The following RBMS1 variants were observed in gnomAD, a reference collection of about 807,000 sequenced individuals.
RBMS1 encodes the protein RNA binding motif single stranded interacting protein 1, also known as RNA-binding motif, single-stranded-interacting protein 1.
In RBMS1, 17 loss-of-function variants were observed where a neutral mutation model predicts 62.3. The observed-to-expected ratio is 0.27, with a 90% CI of 0.19 to 0.41. The LOEUF (loss-of-function observed/expected upper bound fraction) is 0.41, where lower values mean the gene tolerates loss of function less well. RBMS1 is among the 10% of genes least tolerant of loss of function. The pLI is 1.00. For missense variants in RBMS1, 334 were observed against 504.5 expected (o/e 0.66, Z 3.24); for synonymous variants, 172 against 170.0 (o/e 1.01, Z -0.09).
intron 2 of RBMS1, among the ~76,000 whole-genome samples, chr2:160,363,259 G>T (rs1693225929): frequency 6.6e-6 from 1 of 152,178 alleles, no homozygotes; most frequent in Admixed American, 6.5e-5. Context: ...TGTTTAAGAT[G>T]ATACGCTGTT....
intron 1 of RBMS1, among the ~76,000 whole-genome samples, chr2:160,461,134 C>T (rs116278313): frequency 0.039 from 5,979 of 152,010 alleles, 359 homozygotes; most frequent in African/African-American, 0.13. Context: ...CCTGTGGTCC[C>T]AGCAACAAAG....
At position 160,491,905 on chromosome 2, in the gene RBMS1, G is replaced by A. The variant is rs191781286; in HGVS notation, c.75+1384C>T. On this transcript the variant is annotated intron_variant, in intron 1 of 13. Coordinates refer to ENST00000348849, the MANE Select transcript of RBMS1 (RefSeq NM_016836.4). Reference sequence around the variant, plus strand: ...GCTGCTACCATCTTGCTGCTTTCTGGTGACCCAAAGTAAAGTGGGAATTGG... The same window carrying A: ...GCTGCTACCATCTTGCTGCTTTCTGATGACCCAAAGTAAAGTGGGAATTGG... 3.4e-4 allele frequency among the ~76,000 whole-genome samples: 52 copies of A among 152,286 alleles called. 1 individual carries two copies. The highest frequency in any genetic ancestry group is 3.4e-3 in the Middle Eastern group (1 of 294).
chr2:160,368,287 C>A (rs1216268248), intron 1 of RBMS1, among the ~76,000 whole-genome samples: 1 of 152,174 alleles, frequency 6.6e-6, no homozygotes, highest in Admixed American at 6.5e-5. Flanking sequence ...AGGACAGGGA[C>A]GTTTTTTCAC....
intron 1 of RBMS1, among the ~76,000 whole-genome samples, chr2:160,441,684 A>G (rs1683417155): frequency 6.6e-6 from 1 of 152,252 alleles, no homozygotes; most frequent in Non-Finnish European, 1.5e-5. Context: ...TGCTCACACC[A>G]CTGCACTCCA....
rs1691093917 is a variant in RBMS1, at chr2:160,328,769, A to G, written c.252-10542T>C. Among the ~76,000 whole-genome samples, 6 of 152,278 alleles carry G rather than the reference A, an allele frequency of 3.9e-5. No homozygotes were observed. The South Asian group carries it at 1.2e-3, about 32-fold the overall frequency. ...TCTAAACTGTTTTTCAAGTGTCTCTAAATTTGTCACTCCTTTTAAAGTAAA... is the reference window on the plus strand; with the variant it reads ...TCTAAACTGTTTTTCAAGTGTCTCTGAATTTGTCACTCCTTTTAAAGTAAA... On this transcript the variant is annotated intron_variant, in intron 2 of 13. Coordinates refer to ENST00000348849, the MANE Select transcript of RBMS1 (RefSeq NM_016836.4).
At chr2:160,339,117 G>C (rs2105992183) in intron 2 of RBMS1, among the ~76,000 whole-genome samples, 1 of 152,278 alleles carries the variant, frequency 6.6e-6, no homozygotes, top group African/African-American at 2.4e-5. Flanking sequence ...TGGAGGCCAG[G>C]CATGGTGGGA....
At chr2:160,396,826 G>A (rs1460882900) in intron 1 of RBMS1, among the ~76,000 whole-genome samples, 1 of 152,132 alleles carries the variant, frequency 6.6e-6, no homozygotes, top group Non-Finnish European at 1.5e-5. Context: ...GACTCCCAAA[G>A]TGCTGGGATT....
chr2:160,361,658 T>C (rs1693137652), intron 2 of RBMS1, among the ~76,000 whole-genome samples: 1 of 152,202 alleles, frequency 6.6e-6, no homozygotes, highest in African/African-American at 2.4e-5. Flanking sequence ...ATACCGTAAT[T>C]TAAAAATACT....
rs1553505443 is a variant in RBMS1, at chr2:160,311,236, A to ATC, written c.402+1919_402+1920insGA. On this transcript the variant is annotated intron_variant, in intron 4 of 13. Coordinates refer to ENST00000348849, the MANE Select transcript of RBMS1 (RefSeq NM_016836.4). ...TCTATCTATCTATCTATCTATCTAT[A>ATC]TATATATATATATATATATATAGTC... Among the ~76,000 whole-genome samples the ATC allele has an allele frequency of 2.4e-3, 148 of 60,706 alleles. 1 individual carries two copies. Among genetic ancestry groups the ATC allele is most frequent in the African/African-American group, 7.7e-3 (130 of 16,816 alleles). 39.8% of individuals were successfully genotyped at this position (60,706 alleles called of 152,430 possible). A position where few individuals can be genotyped will look rare whatever the true frequency, so the allele number is the denominator to read the frequency against.
chr2:160,329,284 C>T (rs1220265440), intron 2 of RBMS1, among the ~76,000 whole-genome samples: 1 of 152,154 alleles, frequency 6.6e-6, no homozygotes, highest in Non-Finnish European at 1.5e-5. Flanking sequence ...GTAAAAGACA[C>T]ACTTGGACTG....
intron 1 of RBMS1, among the ~76,000 whole-genome samples, chr2:160,443,331 A>G (rs1683498158): frequency 6.6e-6 from 1 of 152,148 alleles, no homozygotes; most frequent in East Asian, 1.9e-4. Flanking sequence ...GACAATCATG[A>G]AAGATTTGAA....
chr2:160,391,030 T>C (rs977178631), intron 1 of RBMS1, among the ~76,000 whole-genome samples: 1 of 151,782 alleles, frequency 6.6e-6, no homozygotes, highest in Admixed American at 6.6e-5. Flanking sequence ...ACGTGCCCAG[T>C]TGATGAATTT....
intron 1 of RBMS1, chr2:160,402,198 G>A (rs1250219630): frequency 6.6e-6 from 1 of 152,176 alleles, no homozygotes; most frequent in Non-Finnish European, 1.5e-5. Flanking sequence ...CAGACTTAGG[G>A]AGGTTAAGTG....
intron 1 of RBMS1, among the ~76,000 whole-genome samples, chr2:160,440,391 C>G (rs1295952999): frequency 6.6e-6 from 1 of 152,160 alleles, no homozygotes; most frequent in African/African-American, 2.4e-5. Flanking sequence ...ATGCTTCCAC[C>G]TCAGCTCCAC....
intron 1 of RBMS1, among the ~76,000 whole-genome samples, chr2:160,471,552 G>A (rs1684910543): frequency 6.6e-6 from 1 of 151,108 alleles, no homozygotes; most frequent in African/African-American, 2.4e-5. Context: ...ACAAATATGT[G>A]TGAATCACAA....
chr2:160,285,112 C>G (rs142326941), intron 7 of RBMS1, 68 bp from the exon 8 acceptor site: 88 of 1,492,576 alleles, frequency 5.9e-5, no homozygotes, highest in South Asian at 3.8e-4. Flanking sequence ...CTATTTTTAG[C>G]CAGGTGTGGT....
chr2:160,389,698 C>CAA lies in RBMS1; in HGVS notation c.76-22309_76-22308dup, dbSNP rs61570926. ...AGGCAACAGAGCAAGACTCTTGTCT[C>CAA]AAAAAAAAAAAAAAAAAAAAAAAAA... On this transcript the variant is annotated intron_variant, in intron 1 of 13. Coordinates refer to ENST00000348849, the MANE Select transcript of RBMS1 (RefSeq NM_016836.4). Among the ~76,000 whole-genome samples, 257 of 50,366 alleles carry CAA rather than the reference C, an allele frequency of 5.1e-3. 23 individuals carry two copies. The highest frequency in any genetic ancestry group is 0.019 in the African/African-American group (220 of 11,438). 33.0% of individuals were successfully genotyped at this position (50,366 alleles called of 152,430 possible).
intron 1 of RBMS1, among the ~76,000 whole-genome samples, chr2:160,444,191 A>G (rs1256290188): frequency 5.3e-5 from 8 of 152,202 alleles, no homozygotes; most frequent in African/African-American, 1.9e-4. Context: ...CAACTTCTTT[A>G]CAAATATTAT....
At chr2:160,312,275 A>G in intron 4 of RBMS1, among the ~76,000 whole-genome samples, 1 of 152,210 alleles carries the variant, frequency 6.6e-6, no homozygotes, top group South Asian at 2.1e-4. Flanking sequence ...TAATGCAAAG[A>G]GAAGGACACA....
Sources: allele counts gnomAD v4.1 joint callset (sites outside exome capture counted in the v4.1 genomes callset), GRCh38; gene constraint gnomAD v4.1.1; transcripts MANE v1.5; gene names NCBI Gene and HGNC (gene_info 2026-07-23, HGNC 2026-07-21).